Variants in DNAH3 observed in about 807,000 individuals in gnomAD.
DNAH3 encodes dynein axonemal heavy chain 3, also known as axonemal beta dynein heavy chain 3.
In DNAH3, 332 loss-of-function variants were observed where a neutral mutation model predicts 432.5. The observed-to-expected ratio is 0.77, with a 90% CI of 0.70 to 0.84. The LOEUF (loss-of-function observed/expected upper bound fraction) is 0.84. DNAH3 is among the 40% of genes least tolerant of loss of function. The pLI is 0.00. For missense variants in DNAH3, 4,861 were observed against 5,114.0 expected, an observed-to-expected ratio of 0.95 and a Z score of 1.51; for synonymous variants, 1,956 against 1,900.2, an observed-to-expected ratio of 1.03 and a Z score of -0.76.
chr16:21,107,257 T>G (rs1163421804), intron 14 of DNAH3, among the ~76,000 whole-genome samples: 2 of 149,098 alleles, frequency 1.3e-5, no homozygotes, highest in East Asian at 3.9e-4. Flanking sequence ...TTTTTTTTTT[T>G]TTTGAGACAG....
At chr16:21,136,376 G>A in exon 6 of DNAH3, 1 of 1,614,002 alleles carries the variant, frequency 6.2e-7, no homozygotes, top group Non-Finnish European at 8.5e-7. Context: ...CCTGCACGAG[G>A]ACCACCATCA....
At chr16:20,986,306 A>G (rs1423520709) in intron 47 of DNAH3, among the ~76,000 whole-genome samples, 1 of 151,848 alleles carries the variant, frequency 6.6e-6, no homozygotes, top group Non-Finnish European at 1.5e-5. Context: ...GGACTTCAAG[A>G]CCAGCCTGGG....
chr16:20,970,153 G>A (rs191878212), intron 51 of DNAH3, among the ~76,000 whole-genome samples, 163 bp from the exon 52 acceptor site: 21 of 152,298 alleles, frequency 1.4e-4, no homozygotes, highest in Admixed American at 8.5e-4. Context: ...GGCTCTGACC[G>A]TTAACCAGCA....
intron 6 of DNAH3, among the ~76,000 whole-genome samples, chr16:21,134,764 T>TC (rs2092619831): frequency 2.0e-5 from 3 of 151,820 alleles, no homozygotes; most frequent in Admixed American, 1.3e-4. Flanking sequence ...CACTGCAACC[T>TC]CCACCTCCGC....
chr16:21,132,804 A>C (rs1218361569), intron 7 of DNAH3, among the ~76,000 whole-genome samples: 1 of 152,178 alleles, frequency 6.6e-6, no homozygotes, highest in African/African-American at 2.4e-5. Context: ...CTCTTGAATT[A>C]GACAGTGGTA....
At chr16:21,049,741 C>T (rs1031150453) in intron 30 of DNAH3, 59 bp from the exon 31 acceptor site, 1 of 1,509,778 alleles carries the variant, frequency 6.6e-7, no homozygotes, top group African/African-American at 1.4e-5. Context: ...TCTGAATTAC[C>T]CCGCACCATT....
At chr16:21,130,391 G>A (rs1422861592) in intron 7 of DNAH3, among the ~76,000 whole-genome samples, 1 of 150,684 alleles carries the variant, frequency 6.6e-6, no homozygotes, top group Non-Finnish European at 1.5e-5. Flanking sequence ...TGCAGCCTCA[G>A]CTTCTGAGGT....
intron 52 of DNAH3, among the ~76,000 whole-genome samples, chr16:20,965,844 C>A (rs1438407599): frequency 2.6e-5 from 4 of 151,804 alleles, no homozygotes; most frequent in Non-Finnish European, 5.9e-5. Context: ...TCCCAAGGAG[C>A]TGGGACTACA....
chr16:21,048,594 T>A (rs2089818833), intron 31 of DNAH3, among the ~76,000 whole-genome samples: 1 of 152,184 alleles, frequency 6.6e-6, no homozygotes, highest in African/African-American at 2.4e-5. Context: ...CCGAGTGAGA[T>A]GAACCCGGTA....
chr16:21,131,484 A>AAAAGAAAG (rs748487154), intron 7 of DNAH3, among the ~76,000 whole-genome samples: 14 of 66,280 alleles, frequency 2.1e-4, no homozygotes, highest in African/African-American at 5.9e-4. Context: ...AGGAAGAAAG[A>AAAAGAAAG]AAAGAAAGAG....
At chr16:20,948,598 T>C in exon 57 of DNAH3, 1 of 1,614,108 alleles carries the variant, frequency 6.2e-7, no homozygotes, top group Non-Finnish European at 8.5e-7. Context: ...GAGACGCCGG[T>C]CTTTGTCATC....
At chr16:21,084,530 G>A (rs1000784747) in intron 19 of DNAH3, among the ~76,000 whole-genome samples, 9 of 152,020 alleles carry the variant, frequency 5.9e-5, no homozygotes, top group Non-Finnish European at 8.8e-5. Flanking sequence ...GTGTTGGCCC[G>A]GGCTGGTTCT....
intron 18 of DNAH3, among the ~76,000 whole-genome samples, chr16:21,088,918 A>C (rs2091455790): frequency 6.6e-6 from 1 of 152,244 alleles, no homozygotes; most frequent in Admixed American, 6.5e-5. Flanking sequence ...CCATGCAATT[A>C]ACCACGTCTG....
intron 14 of DNAH3, among the ~76,000 whole-genome samples, chr16:21,111,413 C>T (rs2092067948): frequency 6.6e-6 from 1 of 152,168 alleles, no homozygotes; most frequent in Non-Finnish European, 1.5e-5. Flanking sequence ...AACAAATGCC[C>T]TCCACCCGCC....
exon 30 of DNAH3, chr16:21,049,983 C>A (rs1278495656): frequency 6.2e-7 from 1 of 1,614,040 alleles, no homozygotes; most frequent in Non-Finnish European, 8.5e-7. Context: ...CTCTGGAGCA[C>A]CCCCAAGGTT....
intron 54 of DNAH3, among the ~76,000 whole-genome samples, chr16:20,955,955 G>A (rs771007018): frequency 2.6e-5 from 4 of 151,230 alleles, no homozygotes; most frequent in Non-Finnish European, 5.9e-5. Context: ...TTGAGACAAG[G>A]TCTCACTCTG....
intron 26 of DNAH3, among the ~76,000 whole-genome samples, chr16:21,058,699 A>C (rs1337141658): frequency 6.6e-6 from 1 of 152,212 alleles, no homozygotes; most frequent in Non-Finnish European, 1.5e-5. Context: ...GACGTGGATG[A>C]AGCTGGAAGC....
chr16:21,019,630 C>T lies in DNAH3; in HGVS notation c.6016G>A (p.Glu2006Lys), dbSNP rs201663699. 5.0e-6 allele frequency: 8 copies of T among 1,614,124 alleles called. No homozygotes were observed. The East Asian group carries it at 1.6e-4, about 31-fold the overall frequency. Residue 2006 changes from glutamate (E) to lysine (K), a missense_variant, in exon 41 of 62, where the codon GAA becomes AAA. Transcript: ENST00000261383. Reference sequence around the variant, plus strand: ...CAAACAGGTTCTAAATTACCTCTTTCTGGAAAGATGTTGTTTTTGGTGAGT... The same window carrying T: ...CAAACAGGTTCTAAATTACCTCTTTTTGGAAAGATGTTGTTTTTGGTGAGT...
chr16:20,958,913 G>A (rs2084689085), intron 54 of DNAH3, among the ~76,000 whole-genome samples: 1 of 152,092 alleles, frequency 6.6e-6, no homozygotes, highest in Non-Finnish European at 1.5e-5. Flanking sequence ...GATTACAGGT[G>A]TGCGCCACTA....
Sources: gnomAD v4.1 joint callset for allele counts (sites outside exome capture counted in the v4.1 genomes callset) on GRCh38, gnomAD v4.1.1 for gene constraint, MANE v1.5 for transcripts, NCBI Gene and HGNC (gene_info 2026-07-23, HGNC 2026-07-21) for gene names.